SRRM4: variants seen among roughly 807,000 people sequenced by gnomAD.
SRRM4 encodes serine/arginine repetitive matrix protein 4.
In SRRM4, 33 loss-of-function variants were observed where a neutral mutation model predicts 68.9. The observed-to-expected ratio is 0.48, with a 90% confidence interval of 0.36 to 0.64. The LOEUF (loss-of-function observed/expected upper bound fraction) is 0.64. Ranked by LOEUF, SRRM4 falls within the 30% of genes least tolerant of loss-of-function variation. SRRM4 has a pLI of 0.00. For missense variants in SRRM4, 817 were observed against 827.1 expected (o/e 0.99, Z 0.15); for synonymous variants, 318 against 318.8 (o/e 1.00, Z 0.03).
intron 1 of SRRM4, among the ~76,000 whole-genome samples, chr12:119,003,691 AC>A (rs979369233): frequency 3.3e-5 from 5 of 151,620 alleles, no homozygotes; most frequent in African/African-American, 1.2e-4. Flanking sequence ...AGGTCTTGTC[AC>A]CCCCAGCTCC....
chr12:118,986,071 A>G (rs968999999), intron 1 of SRRM4, among the ~76,000 whole-genome samples: 11 of 152,120 alleles, frequency 7.2e-5, no homozygotes, highest in African/African-American at 2.7e-4. Context: ...ATTCCAAACT[A>G]TTGGAGATTT....
rs1954479766 is a variant in SRRM4, at chr12:119,157,180, GGT to G, written c.*383_*384del. On this transcript the variant is annotated 3_prime_UTR_variant, in exon 13 of 13. Transcript: ENST00000267260. The surrounding 1 kb of genome is among the most constrained non-coding windows in gnomAD (Gnocchi z 4.1). ...CCTCCACTGCTCACAGGAGGCCCGT[GGT>G]AATTCTCCCCACCTCCCCGGATGCC... 1 of 197,738 alleles carries G rather than the reference GGT, an allele frequency of 5.1e-6. No individual in the cohort carries two copies. 12.2% of individuals were successfully genotyped at this position (197,738 alleles called of 1,614,324 possible). A position where few individuals can be genotyped will look rare whatever the true frequency, so the allele number is the denominator to read the frequency against.
intron 9 of SRRM4, among the ~76,000 whole-genome samples, chr12:119,146,654 A>G (rs570791118): frequency 4.7e-5 from 7 of 147,610 alleles, no homozygotes; most frequent in Admixed American, 3.4e-4. Context: ...AACATATCAC[A>G]GGCCAGGTGC....
In SRRM4 at chr12:119,128,538, ATGTT is replaced by A. The variant is rs564921467; in HGVS notation, c.615-2135_615-2132del. On this transcript the variant is annotated intron_variant, in intron 7 of 12. Coordinates refer to ENST00000267260, the MANE Select transcript of SRRM4 (RefSeq NM_194286.4). ...CCTATGGTATGAAGGAGTGACAACA[ATGTT>A]TGTTCAACCCCAGGTGGACTCCTGG... Among the ~76,000 whole-genome samples, 854 of 152,292 alleles carry A rather than the reference ATGTT, an allele frequency of 5.6e-3. 10 individuals carry two copies. Among genetic ancestry groups the A allele is most frequent in the African/African-American group, 0.019 (779 of 41,566 alleles).
intron 1 of SRRM4, among the ~76,000 whole-genome samples, chr12:119,072,013 C>T (rs1388966683): frequency 1.3e-5 from 2 of 152,206 alleles, no homozygotes; most frequent in Admixed American, 6.5e-5. Context: ...TTGATCATTG[C>T]CTCTGCCACT....
chr12:119,012,135 T>C (rs1953453283), intron 1 of SRRM4, among the ~76,000 whole-genome samples: 1 of 152,234 alleles, frequency 6.6e-6, no homozygotes, highest in Non-Finnish European at 1.5e-5. Flanking sequence ...ACCAGAGCTT[T>C]TCTTTTTCAC....
At chr12:119,113,133 T>C (rs1954155022) in intron 2 of SRRM4, among the ~76,000 whole-genome samples, 1 of 152,222 alleles carries the variant, frequency 6.6e-6, no homozygotes, top group African/African-American at 2.4e-5. Flanking sequence ...AATATAGCTA[T>C]ATGATTCTTA....
chr12:119,156,921 C>A lies in SRRM4; in HGVS notation c.*123C>A. On this transcript the variant is annotated 3_prime_UTR_variant, in exon 13 of 13. Coordinates refer to ENST00000267260, the MANE Select transcript of SRRM4 (RefSeq NM_194286.4). ...TCCTATACCTTGTCCTTCCTGCTTG[C>A]CTAGGGGAAGAGGAGAAGAGGGTAA... The A allele has an allele frequency of 7.9e-7, 1 of 1,264,108 alleles. No homozygotes were observed. The highest frequency in any genetic ancestry group is 1.6e-5 in the South Asian group (1 of 64,012). The allele number at this position is 1,264,108 out of a possible 1,614,324, so 78.3% of individuals were successfully genotyped here. A position where few individuals can be genotyped will look rare whatever the true frequency, so the allele number is the denominator to read the frequency against.
intron 1 of SRRM4, among the ~76,000 whole-genome samples, chr12:119,081,971 C>G (rs1953951686): frequency 6.6e-6 from 1 of 152,212 alleles, no homozygotes; most frequent in Non-Finnish European, 1.5e-5. Flanking sequence ...AAATTTTAGT[C>G]TTTAATAATC....
At chr12:118,995,085 CATCT>C (rs1293968752) in intron 1 of SRRM4, among the ~76,000 whole-genome samples, 1 of 152,168 alleles carries the variant, frequency 6.6e-6, no homozygotes, top group African/African-American at 2.4e-5. Context: ...AAAACTTCTT[CATCT>C]GTCAAAAGGT....
At chr12:119,112,321 C>G (rs190199517) in intron 2 of SRRM4, among the ~76,000 whole-genome samples, 212 of 152,218 alleles carry the variant, frequency 1.4e-3, no homozygotes, top group African/African-American at 4.9e-3. Flanking sequence ...TGAGGTTGTA[C>G]AGAAATAGGA....
intron 1 of SRRM4, among the ~76,000 whole-genome samples, chr12:119,053,782 GTATATGTT>G (rs1953759798): frequency 6.6e-6 from 1 of 151,884 alleles, no homozygotes; most frequent in Non-Finnish European, 1.5e-5. Context: ...TGTAGTAGGA[GTATATGTT>G]TATGAGATAT....
At chr12:119,134,816 G>A (rs1954318380) in intron 8 of SRRM4, among the ~76,000 whole-genome samples, 1 of 152,154 alleles carries the variant, frequency 6.6e-6, no homozygotes, top group South Asian at 2.1e-4. Context: ...ACAGAGTAAG[G>A]GCCAGACAAT....
At chr12:119,076,760 A>G (rs1446290199) in intron 1 of SRRM4, among the ~76,000 whole-genome samples, 1 of 152,216 alleles carries the variant, frequency 6.6e-6, no homozygotes, top group African/African-American at 2.4e-5. Context: ...TGGAAGCCAA[A>G]CACACAGAAT....
chr12:119,005,294 C>T (rs1953409398), intron 1 of SRRM4, among the ~76,000 whole-genome samples: 1 of 152,192 alleles, frequency 6.6e-6, no homozygotes, highest in Non-Finnish European at 1.5e-5. Flanking sequence ...CTCAGCTGTC[C>T]CACAGCTCCT....
At chr12:119,027,467 T>C (rs1024843609) in intron 1 of SRRM4, among the ~76,000 whole-genome samples, 2 of 152,220 alleles carry the variant, frequency 1.3e-5, no homozygotes, top group Non-Finnish European at 2.9e-5. Context: ...ACCATGAGAA[T>C]GCTAGTAATC....
At chr12:119,056,385 A>G (rs1953776585) in intron 1 of SRRM4, among the ~76,000 whole-genome samples, 1 of 152,202 alleles carries the variant, frequency 6.6e-6, no homozygotes, top group Non-Finnish European at 1.5e-5. Flanking sequence ...CACTTTGCTG[A>G]TGGAGAAACC....
rs2136069902 is a variant in SRRM4 at position 119,153,627 on chromosome 12, T to C, written c.1369T>C (p.Tyr457His). 1 of 1,559,806 alleles carries C rather than the reference T, an allele frequency of 6.4e-7. No individual in the cohort carries two copies. The highest frequency in any genetic ancestry group is 1.9e-5 in the Admixed American group (1 of 52,870). ...RSSRSRRSPS[Y>H]SRYSPSRERD... is the part of the protein sequence containing the mutation. ...CTCTAGGTCCCGCCGCAGCCCTAGC[T>C]ACTCCCGCTACAGCCCCAGCAGGTA... Residue 457 changes from tyrosine to histidine, a missense_variant, in exon 11 of 13, where the codon TAC (tyrosine) becomes CAC (histidine). Transcript: ENST00000267260.
chr12:119,116,051 G>A (rs923394396), intron 3 of SRRM4, among the ~76,000 whole-genome samples: 6 of 150,832 alleles, frequency 4.0e-5, no homozygotes, highest in Non-Finnish European at 7.4e-5. Context: ...AACCTCTCTG[G>A]TTCCCCCACA....
Sources: gnomAD v4.1 joint callset for allele counts (sites outside exome capture counted in the v4.1 genomes callset) on GRCh38, gnomAD v4.1.1 for gene constraint, Gnocchi (gnomAD v3.1) non-coding constraint, MANE v1.5 for transcripts, NCBI Gene and HGNC (gene_info 2026-07-23, HGNC 2026-07-21) for gene names.